Variants in ENOX1 observed in about 807,000 individuals in gnomAD.
ENOX1 encodes candidate growth-related and time keeping constitutive hydroquinone (NADH) oxidase.
In ENOX1, 42 loss-of-function variants were observed where a neutral mutation model predicts 82.5. The ratio of observed to expected loss-of-function variants is 0.51; its 90% confidence interval spans 0.40 to 0.66. The LOEUF (loss-of-function observed/expected upper bound fraction) is 0.66. ENOX1 is among the 30% of genes least tolerant of loss of function. The pLI, the probability that ENOX1 is intolerant of heterozygous loss-of-function variation, is 0.00. For missense variants in ENOX1, 608 were observed against 811.6 expected (o/e 0.75, Z 3.05); for synonymous variants, 271 against 282.2 (o/e 0.96, Z 0.40).
intron 2 of ENOX1, among the ~76,000 whole-genome samples, chr13:43,630,860 T>TATATACACACACACAC (rs34023929): frequency 1.7e-4 from 25 of 147,708 alleles, no homozygotes; most frequent in African/African-American, 4.8e-4. Flanking sequence ...TATATATATA[T>TATATACACACACACAC]ACACACACAC....
At chr13:43,587,133 T>C (rs2081034783) in intron 2 of ENOX1, among the ~76,000 whole-genome samples, 1 of 151,782 alleles carries the variant, frequency 6.6e-6, no homozygotes, top group Admixed American at 6.6e-5. Flanking sequence ...GGCCACTTCA[T>C]CTAATGCTAA....
At chr13:43,446,623 A>G (rs2056663670) in intron 3 of ENOX1, among the ~76,000 whole-genome samples, 2 of 152,162 alleles carry the variant, frequency 1.3e-5, no homozygotes, top group Admixed American at 1.3e-4. Flanking sequence ...TTCTGGGCTT[A>G]CCTTCTAGTC....
chr13:43,383,478 G>A (rs964992186), intron 5 of ENOX1, among the ~76,000 whole-genome samples: 5 of 152,178 alleles, frequency 3.3e-5, no homozygotes, highest in African/African-American at 1.2e-4. Flanking sequence ...GCTAGTGTAA[G>A]TATTATTAAT....
intron 3 of ENOX1, among the ~76,000 whole-genome samples, chr13:43,441,775 C>T (rs563789779): frequency 6.6e-6 from 1 of 151,602 alleles, no homozygotes; most frequent in African/African-American, 2.4e-5. Flanking sequence ...AAAAGTTGGA[C>T]AAGATCTCAC....
rs59719063 is a variant in ENOX1, at chr13:43,380,675, C to T, written c.209-19223G>A. On this transcript the variant is annotated intron_variant, in intron 5 of 16. Transcript: ENST00000690772. ...ACTTATAAGAAACTCACTTTTAATACGAAGTCATAAATAAGTTAAAAATAA... is the reference window on the plus strand; with the variant it reads ...ACTTATAAGAAACTCACTTTTAATATGAAGTCATAAATAAGTTAAAAATAA... Among the ~76,000 whole-genome samples, 554 of 150,812 alleles carry T rather than the reference C, an allele frequency of 3.7e-3. 2 individuals are homozygous for T. The highest frequency in any genetic ancestry group is 4.8e-3 in the Non-Finnish European group (321 of 67,434).
chr13:43,228,848 G>A (rs1188819509), intron 15 of ENOX1, among the ~76,000 whole-genome samples: 1 of 152,216 alleles, frequency 6.6e-6, no homozygotes, highest in African/African-American at 2.4e-5. Flanking sequence ...TTTTTAGATA[G>A]TGCTTAGCAC....
chr13:43,457,529 G>A (rs2153635324), intron 3 of ENOX1, among the ~76,000 whole-genome samples: 1 of 152,080 alleles, frequency 6.6e-6, no homozygotes, highest in African/African-American at 2.4e-5. Flanking sequence ...AAGGGAGGGA[G>A]GGGGAAGGAG....
chr13:43,433,859 A>G (rs757199161), intron 3 of ENOX1, among the ~76,000 whole-genome samples: 1 of 152,202 alleles, frequency 6.6e-6, no homozygotes, highest in African/African-American at 2.4e-5. Flanking sequence ...GACCTTTAAT[A>G]TATTTTCATA....
chr13:43,638,375 A>G (rs564156257), intron 2 of ENOX1, among the ~76,000 whole-genome samples: 4 of 151,418 alleles, frequency 2.6e-5, no homozygotes, highest in Middle Eastern at 3.4e-3. Flanking sequence ...AAATGGAATT[A>G]ACTTGCACTA....
At chr13:43,468,123 A>C (rs913837317) in intron 3 of ENOX1, among the ~76,000 whole-genome samples, 1 of 152,010 alleles carries the variant, frequency 6.6e-6, no homozygotes, top group Non-Finnish European at 1.5e-5. Flanking sequence ...GTTCTTTTTC[A>C]AGATTGTTTT....
intron 1 of ENOX1, among the ~76,000 whole-genome samples, chr13:43,671,976 T>C (rs1305203505): frequency 1.3e-5 from 2 of 152,230 alleles, no homozygotes; most frequent in Non-Finnish European, 2.9e-5. Flanking sequence ...TTCCAGATAT[T>C]GGAATCTACT....
At chr13:43,653,745 T>C (rs921056837) in intron 2 of ENOX1, among the ~76,000 whole-genome samples, 3 of 141,234 alleles carry the variant, frequency 2.1e-5, no homozygotes, top group South Asian at 2.4e-4. Flanking sequence ...CAATGAAAAT[T>C]TGCATTTCCC....
chr13:43,530,196 T>A (rs1462330715), intron 2 of ENOX1, among the ~76,000 whole-genome samples: 1 of 152,148 alleles, frequency 6.6e-6, no homozygotes, highest in Non-Finnish European at 1.5e-5. Context: ...TCAATGGAGA[T>A]AGCAAGTTTG....
intron 3 of ENOX1, among the ~76,000 whole-genome samples, chr13:43,481,654 A>G (rs1320351987): frequency 6.6e-6 from 1 of 152,172 alleles, no homozygotes; most frequent in African/African-American, 2.4e-5. Flanking sequence ...ACAAACACAG[A>G]CAAGTAGAAT....
intron 2 of ENOX1, among the ~76,000 whole-genome samples, chr13:43,560,450 T>C (rs1396057836): frequency 6.6e-6 from 1 of 152,188 alleles, no homozygotes; most frequent in Non-Finnish European, 1.5e-5. Context: ...TTGTGTCCAA[T>C]GGACAACTGA....
chr13:43,242,810 A>C (rs2042899902), intron 14 of ENOX1, among the ~76,000 whole-genome samples: 1 of 152,198 alleles, frequency 6.6e-6, no homozygotes, highest in African/African-American at 2.4e-5. Context: ...TTGCTTAATG[A>C]TACAGGGCTC....
chr13:43,298,445 C>T lies in ENOX1; in HGVS notation c.1347G>A (p.Leu449=). 8 of 1,614,088 alleles carry T rather than the reference C, an allele frequency of 5.0e-6. No homozygotes were observed. Among genetic ancestry groups the T allele is most frequent in the Non-Finnish European group, 6.8e-6 (8 of 1,180,026 alleles). ...QLDAYRNEVE[L]LKQEKEQLFR... ...AAAGCTGTTCTTTTTCTTGTTTCAG[C>T]AGCTCCACCTCATTCCTGTAGGCAT... The change falls in exon 12 of 17, where the codon CTG becomes CTA. Residue 449 remains leucine (L), a synonymous_variant. Transcript: ENST00000690772.
rs115762548 is a variant in ENOX1 at position 43,428,903 on chromosome 13, G to A, written c.-74-15915C>T. ...AGCTGACATTCTAGAGGTGCTGAAAGAGTGAGGATCTATGTCAGTTATCAT... is the reference window on the plus strand; with the variant it reads ...AGCTGACATTCTAGAGGTGCTGAAAAAGTGAGGATCTATGTCAGTTATCAT... On this transcript the variant is annotated intron_variant, in intron 3 of 16. Coordinates refer to ENST00000690772, the MANE Select transcript of ENOX1 (RefSeq NM_001347969.2). Among the ~76,000 whole-genome samples the A allele has an allele frequency of 2.6e-3, 390 of 152,314 alleles. 1 individual carries two copies. The highest frequency in any genetic ancestry group is 9.0e-3 in the African/African-American group (374 of 41,562).
chr13:43,388,592 T>C (rs147001589), intron 5 of ENOX1, among the ~76,000 whole-genome samples: 48 of 152,266 alleles, frequency 3.2e-4, no homozygotes, highest in African/African-American at 1.1e-3. Context: ...GTGGAGTGTA[T>C]CCATTTCACA....
Sources: gnomAD v4.1 joint callset for allele counts (sites outside exome capture counted in the v4.1 genomes callset) on GRCh38, gnomAD v4.1.1 for gene constraint, MANE v1.5 for transcripts, NCBI Gene and HGNC (gene_info 2026-07-23, HGNC 2026-07-21) for gene names.